Variants in ADAMTS17 observed in about 807,000 individuals in gnomAD.
ADAMTS17 encodes the protein A disintegrin and metalloproteinase with thrombospondin motifs 17.
A neutral mutation model predicts 141.5 loss-of-function variants in ADAMTS17; 113 were observed. The observed-to-expected ratio is 0.80, with a 90% confidence interval of 0.69 to 0.93. ADAMTS17 has a LOEUF of 0.93. Among genes scored for constraint, ADAMTS17 ranks in the 40% least tolerant of loss-of-function variants. ADAMTS17 has a pLI of 0.00. For missense variants in ADAMTS17, 1,659 were observed against 1,517.9 expected, an observed-to-expected ratio of 1.09 and a Z score of -1.54; for synonymous variants, 768 against 630.6, an observed-to-expected ratio of 1.22 and a Z score of -3.27.
rs139037864 is a variant in ADAMTS17 at position 100,023,690 on chromosome 15, A to C, written c.2591+25167T>G. On this transcript the variant is annotated intron_variant, in intron 18 of 21. Coordinates refer to ENST00000268070, the MANE Select transcript of ADAMTS17 (RefSeq NM_139057.4). The stretch of plus-strand genomic sequence containing the variant: ...TCTCTTCTGAAAGTCAGACTCTAGC[A>C]CAGAGCCTCGTGCTTCTTAAGGACC... Among the ~76,000 whole-genome samples the C allele has an allele frequency of 1.1e-3, 166 of 152,250 alleles. 3 individuals carry two copies. The East Asian group carries it at 0.022, about 20-fold the overall frequency.
intron 3 of ADAMTS17, among the ~76,000 whole-genome samples, chr15:100,290,950 T>C (rs977336139): frequency 1.3e-5 from 2 of 152,086 alleles, no homozygotes; most frequent in South Asian, 4.1e-4. Context: ...TTACCAAAGA[T>C]TTCATGACAA....
chr15:100,137,959 A>G (rs1422692864), intron 10 of ADAMTS17, among the ~76,000 whole-genome samples: 1 of 151,864 alleles, frequency 6.6e-6, no homozygotes, highest in Non-Finnish European at 1.5e-5. Context: ...CCGCCCTTTC[A>G]TTCCTTCTAC....
At chr15:100,222,815 C>T (rs971987029) in intron 7 of ADAMTS17, among the ~76,000 whole-genome samples, 4 of 152,234 alleles carry the variant, frequency 2.6e-5, no homozygotes, top group African/African-American at 9.7e-5. Flanking sequence ...ATGGCCTTTT[C>T]AGAGTAAGAG....
At chr15:100,239,195 C>A (rs1306590442) in intron 7 of ADAMTS17, among the ~76,000 whole-genome samples, 1 of 152,256 alleles carries the variant, frequency 6.6e-6, no homozygotes, top group Non-Finnish European at 1.5e-5. Flanking sequence ...CAAGACATCT[C>A]CCTCTCTGCA....
chr15:100,278,738 C>T (rs1197840744), intron 4 of ADAMTS17, among the ~76,000 whole-genome samples: 2 of 152,222 alleles, frequency 1.3e-5, no homozygotes, highest in African/African-American at 2.4e-5. Context: ...GTCCTCCTAA[C>T]AAGCAGGATT....
chr15:100,146,938 TG>T (rs2038935351), intron 10 of ADAMTS17, among the ~76,000 whole-genome samples: 1 of 152,196 alleles, frequency 6.6e-6, no homozygotes, highest in South Asian at 2.1e-4. Flanking sequence ...CTCTGTCTCC[TG>T]ATAAGATGTT....
At chr15:100,280,142 C>G (rs955887713) in intron 4 of ADAMTS17, among the ~76,000 whole-genome samples, 1 of 152,176 alleles carries the variant, frequency 6.6e-6, no homozygotes, top group Non-Finnish European at 1.5e-5. Flanking sequence ...AGACATCTGT[C>G]CTGATTTCCC....
intron 4 of ADAMTS17, among the ~76,000 whole-genome samples, chr15:100,275,357 A>G (rs1251846628): frequency 1.3e-5 from 2 of 152,168 alleles, no homozygotes; most frequent in East Asian, 3.9e-4. Context: ...GAGGAGCCCA[A>G]TGCTGCCTAG....
At chr15:100,217,190 C>G (rs1299857079) in intron 7 of ADAMTS17, among the ~76,000 whole-genome samples, 1 of 152,134 alleles carries the variant, frequency 6.6e-6, no homozygotes, top group Non-Finnish European at 1.5e-5. Flanking sequence ...TCGGACAAGG[C>G]AGGCAAGGAA....
intron 20 of ADAMTS17, among the ~76,000 whole-genome samples, chr15:99,992,063 C>A (rs774775847): frequency 6.6e-6 from 1 of 152,060 alleles, no homozygotes. Context: ...AGGACAAATA[C>A]CTAATGCATC....
intron 4 of ADAMTS17, among the ~76,000 whole-genome samples, chr15:100,262,897 A>T (rs1370900732): frequency 1.3e-5 from 2 of 152,120 alleles, no homozygotes; most frequent in African/African-American, 4.8e-5. Context: ...CATAACCCAG[A>T]TTTTATTTAA....
chr15:100,037,027 C>A (rs2030789015), intron 18 of ADAMTS17, among the ~76,000 whole-genome samples: 1 of 152,140 alleles, frequency 6.6e-6, no homozygotes, highest in Non-Finnish European at 1.5e-5. Context: ...CATTTGTGTA[C>A]AAGCTCTTGT....
intron 3 of ADAMTS17, among the ~76,000 whole-genome samples, chr15:100,314,893 G>C (rs1241277257): frequency 6.6e-6 from 1 of 152,176 alleles, no homozygotes; most frequent in Non-Finnish European, 1.5e-5. Context: ...GCAGAGACCT[G>C]GGACACCCTG....
At chr15:100,249,742 G>T (rs1277513357) in intron 7 of ADAMTS17, among the ~76,000 whole-genome samples, 1 of 152,250 alleles carries the variant, frequency 6.6e-6, no homozygotes, top group Non-Finnish European at 1.5e-5. Context: ...ATGGGCTGAT[G>T]CAGAGGAGAG....
chr15:100,190,527 C>T (rs2040877636), intron 8 of ADAMTS17, among the ~76,000 whole-genome samples: 1 of 152,166 alleles, frequency 6.6e-6, no homozygotes, highest in East Asian at 1.9e-4. Context: ...TTGGGCCTGT[C>T]CACTACAGGA....
intron 2 of ADAMTS17, among the ~76,000 whole-genome samples, chr15:100,339,356 T>C (rs2046297002): frequency 1.3e-5 from 2 of 152,216 alleles, no homozygotes; most frequent in South Asian, 4.1e-4. Context: ...AACTCTGACC[T>C]CTACAGAAAC....
At chr15:100,135,633 A>G (rs2038291190) in intron 10 of ADAMTS17, among the ~76,000 whole-genome samples, 1 of 152,194 alleles carries the variant, frequency 6.6e-6, no homozygotes, top group Non-Finnish European at 1.5e-5. Context: ...ACACAAGAAT[A>G]TATTTGCAAT....
intron 18 of ADAMTS17, among the ~76,000 whole-genome samples, chr15:100,038,896 C>A (rs2030999596): frequency 6.6e-6 from 1 of 152,214 alleles, no homozygotes; most frequent in South Asian, 2.1e-4. Flanking sequence ...TGCTCCTGAT[C>A]TTTGGAGAAA....
chr15:100,150,756 T>G (rs1299791063), intron 10 of ADAMTS17, among the ~76,000 whole-genome samples: 1 of 152,150 alleles, frequency 6.6e-6, no homozygotes, highest in African/African-American at 2.4e-5. Flanking sequence ...GACTCCACAG[T>G]GGGCAGAGTG....
Sources: allele counts gnomAD v4.1 joint callset (sites outside exome capture counted in the v4.1 genomes callset), GRCh38; gene constraint gnomAD v4.1.1; transcripts MANE v1.5; gene names NCBI Gene and HGNC (gene_info 2026-07-23, HGNC 2026-07-21).